TDRD12: variants seen among roughly 807,000 people sequenced by gnomAD.
TDRD12 encodes tudor domain containing 12.
Under a neutral mutation model 133.5 loss-of-function variants are expected in TDRD12, and 158 were observed. That is an observed-to-expected ratio of 1.18 (90% CI 1.04 to 1.35). The LOEUF (loss-of-function observed/expected upper bound fraction) is 1.35, where lower values mean the gene tolerates loss of function less well. Ranked by LOEUF, TDRD12 falls within the 40% of genes most tolerant of loss-of-function variation. The pLI, the probability that TDRD12 is intolerant of heterozygous loss-of-function variation, is 0.00. For missense variants in TDRD12, 1,443 were observed against 1,321.3 expected (o/e 1.09, Z -1.43); for synonymous variants, 460 against 477.9 (o/e 0.96, Z 0.49).
At chr19:32,801,016 T>G (rs75500014) in intron 18 of TDRD12, among the ~76,000 whole-genome samples, 11,195 of 151,890 alleles carry the variant, frequency 0.074, 715 homozygotes, top group East Asian at 0.23. Flanking sequence ...GGCAGGGCAG[T>G]TTCGTCTTGG....
chr19:32,815,215 CA>C (rs943767467), intron 25 of TDRD12, among the ~76,000 whole-genome samples: 3 of 152,114 alleles, frequency 2.0e-5, no homozygotes, highest in African/African-American at 7.2e-5. Context: ...GCCACCCCCC[CA>C]CCACCTGCCC....
intron 19 of TDRD12, among the ~76,000 whole-genome samples, chr19:32,802,208 C>CATATATATATATGATAGTG (rs200419186): frequency 3.1e-5 from 4 of 128,886 alleles, no homozygotes; most frequent in East Asian, 2.4e-4. Flanking sequence ...TGATAGTGAT[C>CATATATATATATGATAGTG]ATATATATGA....
chr19:32,729,778 C>CTTTTTTTTTTTTTTTTTTTTTT (rs1162347194), intron 1 of TDRD12, among the ~76,000 whole-genome samples: 1 of 73,660 alleles, frequency 1.4e-5, no homozygotes, highest in Admixed American at 1.8e-4. Context: ...TTTTCTTTTT[C>CTTTTTTTTTTTTTTTTTTTTTT]TTTTTTTTTT....
intron 1 of TDRD12, among the ~76,000 whole-genome samples, 184 bp downstream of exon 1, chr19:32,720,280 T>C: frequency 2.7e-5 from 2 of 74,440 alleles, no homozygotes; most frequent in African/African-American, 5.5e-5. Context: ...CATCCCAGCC[T>C]CCACATCCCT....
chr19:32,759,948 G>C (rs189549378), intron 8 of TDRD12, among the ~76,000 whole-genome samples: 5 of 152,368 alleles, frequency 3.3e-5, no homozygotes, highest in Non-Finnish European at 5.9e-5. Flanking sequence ...CAGCCTCAGC[G>C]CATGTGGCCC....
rs777009952 is a variant in TDRD12 at position 32,771,874 on chromosome 19, A to G, written c.866-879A>G. Among the ~76,000 whole-genome samples the G allele has an allele frequency of 5.3e-5, 8 of 152,306 alleles. No homozygotes were observed. The South Asian group carries it at 1.2e-3, about 24-fold the overall frequency. On this transcript the variant is annotated intron_variant, in intron 8 of 27. Coordinates refer to ENST00000444215, the Ensembl canonical transcript of TDRD12. ...ATTTCTAGTGCTGCTGCTTATTTCA[A>G]TGAGTTATTTAATAGGTGAAAGGCG... is the stretch of plus-strand genomic sequence containing the variant.
intron 8 of TDRD12, among the ~76,000 whole-genome samples, chr19:32,769,935 CTTG>C (rs1970400415): frequency 6.6e-6 from 1 of 151,770 alleles, no homozygotes; most frequent in Non-Finnish European, 1.5e-5. Flanking sequence ...TGTGCCCAGC[CTTG>C]TTGTGATTTA....
chr19:32,733,407 C>T (rs1969121172), intron 2 of TDRD12, among the ~76,000 whole-genome samples: 1 of 150,768 alleles, frequency 6.6e-6, no homozygotes, highest in Admixed American at 6.6e-5. Context: ...GAGGCGGAGG[C>T]TTCAGTGAGC....
intron 8 of TDRD12, among the ~76,000 whole-genome samples, chr19:32,760,098 ACAT>A (rs1021161310): frequency 6.6e-6 from 1 of 152,258 alleles, no homozygotes; most frequent in Admixed American, 6.5e-5. Flanking sequence ...ACCAGGCACT[ACAT>A]CATCGTGTTT....
rs559877652 is a variant in TDRD12, at chr19:32,797,691, C to T, written c.1474-44C>T. ...TGATGTTTCATATGGATGCTGAATTCCTAACTACTGTCTGGAGTCATTTGA... is the reference window on the plus strand; with the variant it reads ...TGATGTTTCATATGGATGCTGAATTTCTAACTACTGTCTGGAGTCATTTGA... On this transcript the variant is annotated intron_variant, in intron 14 of 27. Transcript: ENST00000444215. The T allele has an allele frequency of 9.2e-5, 56 of 606,344 alleles. No homozygotes were observed. In the African/African-American group the frequency reaches 1.0e-3, roughly 11 times the overall value. The allele number at this position is 606,344 out of a possible 1,614,324, so 37.6% of individuals were successfully genotyped here. A position where few individuals can be genotyped will look rare whatever the true frequency, so the allele number is the denominator to read the frequency against.
chr19:32,757,343 C>T (rs1294589179), intron 8 of TDRD12, among the ~76,000 whole-genome samples: 1 of 152,192 alleles, frequency 6.6e-6, no homozygotes, highest in Non-Finnish European at 1.5e-5. Context: ...ACATAACAGG[C>T]ACCAGTTCAT....
intron 13 of TDRD12, among the ~76,000 whole-genome samples, chr19:32,793,521 A>C (rs1294051854): frequency 6.6e-6 from 1 of 152,150 alleles, no homozygotes; most frequent in East Asian, 1.9e-4. Context: ...GACCTCACAG[A>C]GCTCATGGTG....
chr19:32,725,687 T>C (rs1193596799), intron 1 of TDRD12, among the ~76,000 whole-genome samples: 12 of 152,190 alleles, frequency 7.9e-5, no homozygotes, highest in Admixed American at 7.9e-4. Context: ...AGGAGTGTCG[T>C]GGCTATATGG....
In TDRD12 at chr19:32,784,215, G is replaced by T. The variant is rs563601287; in HGVS notation, c.1122-6316G>T. Among the ~76,000 whole-genome samples, 323 of 152,238 alleles carry T rather than the reference G, an allele frequency of 2.1e-3. 2 individuals are homozygous for T. The highest frequency in any genetic ancestry group is 3.9e-3 in the Non-Finnish European group (267 of 68,004). Reference sequence around the variant, plus strand: ...TTAGCATGAAAGGCTGTTGAATTTTGTCGAAGGCCTTTTCTGCATCTGTTG... The same window carrying T: ...TTAGCATGAAAGGCTGTTGAATTTTTTCGAAGGCCTTTTCTGCATCTGTTG... On this transcript the variant is annotated intron_variant, in intron 11 of 27. Coordinates refer to ENST00000444215, the Ensembl canonical transcript of TDRD12.
At chr19:32,822,169 C>A (rs2145762521), downstream of TDRD12, among the ~76,000 whole-genome samples, 1 of 152,278 alleles carries the variant, frequency 6.6e-6, no homozygotes, top group East Asian at 1.9e-4. Flanking sequence ...GTGGCTCATG[C>A]CTATGATCCC....
intron 12 of TDRD12, 147 bp from the exon 13 acceptor site, chr19:32,790,817 G>GA: frequency 7.6e-7 from 1 of 1,309,802 alleles, no homozygotes; most frequent in Non-Finnish European, 1.0e-6. Flanking sequence ...TAGTTTGGTG[G>GA]TTTTTTTTTT....
At chr19:32,809,898 A>G (rs766524069) in intron 22 of TDRD12, among the ~76,000 whole-genome samples, 195 bp from the exon 23 acceptor site, 79 of 152,354 alleles carry the variant, frequency 5.2e-4, no homozygotes, top group Non-Finnish European at 6.2e-4. Context: ...TTTAAAGTGA[A>G]ACTAATTCTT....
intron 1 of TDRD12, among the ~76,000 whole-genome samples, chr19:32,721,692 TTTTA>T: frequency 7.1e-6 from 1 of 141,556 alleles, no homozygotes; most frequent in African/African-American, 2.7e-5. Context: ...TTTTATTTTA[TTTTA>T]TTTTATTTTA....
chr19:32,719,926 C>G, exon 1 of TDRD12: 1 of 1,017,760 alleles, frequency 9.8e-7, no homozygotes, highest in Admixed American at 2.2e-5. Flanking sequence ...TGTGGGGCAC[C>G]TGCCGCGGGG....
Sources: gnomAD v4.1 joint callset for allele counts (sites outside exome capture counted in the v4.1 genomes callset) on GRCh38, gnomAD v4.1.1 for gene constraint, MANE v1.5 for transcripts, NCBI Gene and HGNC (gene_info 2026-07-23, HGNC 2026-07-21) for gene names.